KHDRBS2: variants seen among roughly 807,000 people sequenced by gnomAD.
KHDRBS2 encodes KH domain-containing, RNA-binding, signal transduction-associated protein 2.
A neutral mutation model predicts 44.3 loss-of-function variants in KHDRBS2; 26 were observed. The observed-to-expected ratio is 0.59, with a 90% CI of 0.43 to 0.81. The LOEUF (loss-of-function observed/expected upper bound fraction) is 0.81, where lower values mean the gene tolerates loss of function less well. KHDRBS2 is among the 40% of genes least tolerant of loss of function. The pLI is 0.00. For missense variants in KHDRBS2, 476 were observed against 433.1 expected, an observed-to-expected ratio of 1.10 and a Z score of -0.88; for synonymous variants, 194 against 151.1, an observed-to-expected ratio of 1.28 and a Z score of -2.08.
At chr6:62,111,586 AACTAG>A (rs1018457257) in intron 2 of KHDRBS2, among the ~76,000 whole-genome samples, 1 of 152,162 alleles carries the variant, frequency 6.6e-6, no homozygotes, top group African/African-American at 2.4e-5. Flanking sequence ...CATCAAAGTT[AACTAG>A]ACAGTTTAAA....
intron 6 of KHDRBS2, among the ~76,000 whole-genome samples, chr6:61,882,996 G>C (rs1261382180): frequency 6.6e-6 from 1 of 151,936 alleles, no homozygotes; most frequent in Non-Finnish European, 1.5e-5. Context: ...ACCCAATATA[G>C]GGTGTTAATT....
intron 6 of KHDRBS2, among the ~76,000 whole-genome samples, chr6:61,871,474 C>A (rs140958848): frequency 6.6e-6 from 1 of 152,218 alleles, no homozygotes; most frequent in African/African-American, 2.4e-5. Context: ...CCTAGCAAGA[C>A]AGAATAACAT....
chr6:62,018,015 T>G (rs1044715507), intron 3 of KHDRBS2, among the ~76,000 whole-genome samples: 1 of 151,798 alleles, frequency 6.6e-6, no homozygotes, highest in Non-Finnish European at 1.5e-5. Flanking sequence ...AGGATTTACA[T>G]TTTTAGAATT....
At chr6:61,674,699 T>C in the KHDRBS2 span, among the ~76,000 whole-genome samples, 14 of 151,866 alleles carry the variant, frequency 9.2e-5, no homozygotes, top group East Asian at 2.1e-3. Flanking sequence ...ACTTACTACA[T>C]GATTTTTTTG....
At chr6:62,094,524 A>C (rs1307230609) in intron 2 of KHDRBS2, among the ~76,000 whole-genome samples, 2 of 151,700 alleles carry the variant, frequency 1.3e-5, no homozygotes, top group Non-Finnish European at 2.9e-5. Context: ...TTCTGTGCAG[A>C]GGCTTTTTAG....
intron 3 of KHDRBS2, among the ~76,000 whole-genome samples, chr6:61,993,669 A>AT (rs1776584960): frequency 8.2e-6 from 1 of 122,260 alleles, no homozygotes; most frequent in African/African-American, 2.9e-5. Context: ...ATATATATAT[A>AT]TATATTTTTT....
At chr6:62,107,854 T>A (rs1287468642) in intron 2 of KHDRBS2, among the ~76,000 whole-genome samples, 1 of 152,190 alleles carries the variant, frequency 6.6e-6, no homozygotes, top group East Asian at 1.9e-4. Context: ...AAGGATTCCC[T>A]ATTTAATGAA....
chr6:61,753,208 C>G (rs1274893134), intron 6 of KHDRBS2, among the ~76,000 whole-genome samples: 1 of 152,086 alleles, frequency 6.6e-6, no homozygotes, highest in Non-Finnish European at 1.5e-5. Context: ...TGTATCATCC[C>G]TCTTTGTCTT....
At chr6:61,850,442 C>A (rs576907036) in intron 6 of KHDRBS2, among the ~76,000 whole-genome samples, 1 of 152,062 alleles carries the variant, frequency 6.6e-6, no homozygotes, top group Non-Finnish European at 1.5e-5. Flanking sequence ...ATAATTAGCA[C>A]GGAGAAAGTT....
At chr6:61,899,368 C>G (rs1049601215) in intron 5 of KHDRBS2, among the ~76,000 whole-genome samples, 1 of 151,860 alleles carries the variant, frequency 6.6e-6, no homozygotes, top group African/African-American at 2.4e-5. Context: ...TTCGTTAATG[C>G]TAGCACCACT....
At chr6:61,848,493 A>ATATATATATATATATGTATATATG (rs1794796956) in intron 6 of KHDRBS2, among the ~76,000 whole-genome samples, 1 of 48,278 alleles carries the variant, frequency 2.1e-5, no homozygotes, top group African/African-American at 1.2e-4. Context: ...ATATATATGT[A>ATATATATATATATATGTATATATG]TATATATATA....
chr6:61,595,504 T>G, the KHDRBS2 span, among the ~76,000 whole-genome samples: 1 of 152,260 alleles, frequency 6.6e-6, no homozygotes, highest in East Asian at 1.9e-4. Flanking sequence ...TCTTCATGCA[T>G]TTATAACTTT....
chr6:61,782,689 G>A (rs1582817579), intron 6 of KHDRBS2, among the ~76,000 whole-genome samples: 1 of 111,120 alleles, frequency 9.0e-6, no homozygotes, highest in Non-Finnish European at 1.9e-5. Context: ...TAAAGGTTGT[G>A]TATATATATA....
the KHDRBS2 span, among the ~76,000 whole-genome samples, chr6:61,632,770 G>A: frequency 7.8e-4 from 119 of 152,106 alleles, no homozygotes; most frequent in South Asian, 3.5e-3. Flanking sequence ...CAAATTCATC[G>A]CTGCCACACG....
chr6:61,951,725 G>A (rs916752911), intron 4 of KHDRBS2, among the ~76,000 whole-genome samples: 5 of 152,078 alleles, frequency 3.3e-5, no homozygotes, highest in Non-Finnish European at 1.5e-5. Context: ...TCTTGGGTTA[G>A]TGGCCATAAA....
intron 6 of KHDRBS2, among the ~76,000 whole-genome samples, chr6:61,783,461 C>T (rs917637711): frequency 2.0e-5 from 3 of 152,002 alleles, no homozygotes; most frequent in African/African-American, 4.8e-5. Flanking sequence ...CTGCATCTAG[C>T]ATGTAGCAAG....
intron 6 of KHDRBS2, among the ~76,000 whole-genome samples, chr6:61,758,155 G>C (rs1482196447): frequency 6.6e-6 from 1 of 151,984 alleles, no homozygotes; most frequent in African/African-American, 2.4e-5. Flanking sequence ...TCATAGACTG[G>C]AAACTTTCTG....
chr6:62,070,898 C>A (rs1029823620), intron 2 of KHDRBS2, among the ~76,000 whole-genome samples: 13 of 152,094 alleles, frequency 8.5e-5, no homozygotes, highest in African/African-American at 1.9e-4. Flanking sequence ...AGTTCTAGAT[C>A]CTTGAGGAAT....
intron 6 of KHDRBS2, among the ~76,000 whole-genome samples, chr6:61,816,007 T>G (rs1042288454): frequency 1.5e-4 from 23 of 152,118 alleles, no homozygotes; most frequent in Non-Finnish European, 3.1e-4. Flanking sequence ...ATACCAAAAG[T>G]TCCTTAGTAA....
Sources: allele counts gnomAD v4.1 joint callset (sites outside exome capture counted in the v4.1 genomes callset), GRCh38; gene constraint gnomAD v4.1.1; transcripts MANE v1.5; gene names NCBI Gene and HGNC (gene_info 2026-07-23, HGNC 2026-07-21).